The following SHISA9 variants were observed in gnomAD, a reference collection of about 807,000 sequenced individuals.
The protein encoded by SHISA9 is protein shisa-9.
SHISA9 carries 13 observed loss-of-function variants against 38.0 expected under a neutral mutation model. The ratio of observed to expected loss-of-function variants is 0.34; its 90% CI spans 0.22 to 0.54. SHISA9 has a LOEUF of 0.54. Ranked by LOEUF, SHISA9 falls within the 20% of genes least tolerant of loss-of-function variation. The pLI is 0.91. For synonymous variants in SHISA9, 275 were observed against 242.0 expected (o/e 1.14, Z -1.27); for missense variants, 538 against 575.8 (o/e 0.93, Z 0.67).
At chr16:13,560,407 TG>T in the SHISA9 span, among the ~76,000 whole-genome samples, 1 of 152,198 alleles carries the variant, frequency 6.6e-6, no homozygotes, top group East Asian at 1.9e-4. Context: ...AGCTAAGTAT[TG>T]GTATCAGCAC....
chr16:13,483,824 A>G, the SHISA9 span, among the ~76,000 whole-genome samples: 3 of 152,164 alleles, frequency 2.0e-5, no homozygotes, highest in Non-Finnish European at 4.4e-5. Context: ...GAGAGCATGG[A>G]AGCTCTGTGT....
the SHISA9 span, among the ~76,000 whole-genome samples, chr16:13,346,099 C>A: frequency 6.6e-6 from 1 of 152,136 alleles, no homozygotes; most frequent in Non-Finnish European, 1.5e-5. Context: ...AATTTCTCAT[C>A]CCTCATCCTT....
the SHISA9 span, among the ~76,000 whole-genome samples, chr16:13,304,996 G>A: frequency 1.3e-5 from 2 of 152,138 alleles, no homozygotes; most frequent in Admixed American, 6.5e-5. Flanking sequence ...CTAAAATTCA[G>A]GTTGAATATT....
the SHISA9 span, among the ~76,000 whole-genome samples, chr16:13,306,292 G>T: frequency 6.6e-6 from 1 of 152,170 alleles, no homozygotes; most frequent in Non-Finnish European, 1.5e-5. Flanking sequence ...TGTTGTTGTT[G>T]TTCAGTTAAA....
chr16:13,337,924 C>A, the SHISA9 span, among the ~76,000 whole-genome samples: 1 of 152,126 alleles, frequency 6.6e-6, no homozygotes, highest in East Asian at 1.9e-4. Context: ...TGAGGCCTCC[C>A]TAGCCATGCA....
At chr16:12,948,794 A>G (rs995833731) in intron 2 of SHISA9, among the ~76,000 whole-genome samples, 1 of 152,234 alleles carries the variant, frequency 6.6e-6, no homozygotes, top group South Asian at 2.1e-4. Flanking sequence ...GGACACAGAT[A>G]TTCAGACCAT....
chr16:13,225,372 C>A (rs1052750866), intron 4 of SHISA9, among the ~76,000 whole-genome samples: 1 of 152,190 alleles, frequency 6.6e-6, no homozygotes, highest in Non-Finnish European at 1.5e-5. Context: ...CGAACACACA[C>A]TGTGATGTGT....
chr16:13,557,746 T>A, the SHISA9 span, among the ~76,000 whole-genome samples: 1 of 152,096 alleles, frequency 6.6e-6, no homozygotes, highest in African/African-American at 2.4e-5. Flanking sequence ...CAGCAATCTC[T>A]ACCCAGGAAG....
intron 2 of SHISA9, among the ~76,000 whole-genome samples, chr16:12,969,027 C>T (rs754552683): frequency 1.6e-4 from 25 of 151,802 alleles, no homozygotes; most frequent in South Asian, 2.1e-4. Context: ...CGTGGTGGTG[C>T]GCACCTGTAG....
the SHISA9 span, among the ~76,000 whole-genome samples, chr16:13,553,595 C>T: frequency 1.3e-5 from 2 of 151,946 alleles, no homozygotes; most frequent in Non-Finnish European, 2.9e-5. Flanking sequence ...ACTCCAGAAC[C>T]GAAACACATG....
intron 2 of SHISA9, among the ~76,000 whole-genome samples, chr16:12,935,163 T>C (rs527576293): frequency 1.2e-3 from 178 of 152,226 alleles, no homozygotes; most frequent in Admixed American, 2.0e-3. Flanking sequence ...TAGTGAGGAA[T>C]AGGAAAGTCT....
intron 2 of SHISA9, among the ~76,000 whole-genome samples, chr16:13,185,244 C>G (rs914623487): frequency 5.9e-5 from 9 of 152,260 alleles, no homozygotes; most frequent in Admixed American, 2.0e-4. Context: ...CTCTATCACC[C>G]AGGCTAGAGA....
intron 2 of SHISA9, among the ~76,000 whole-genome samples, chr16:13,133,979 T>C (rs1379345930): frequency 6.6e-6 from 1 of 152,342 alleles, no homozygotes; most frequent in South Asian, 2.1e-4. Context: ...AATTTCCTAC[T>C]GACAATGTAC....
intron 2 of SHISA9, among the ~76,000 whole-genome samples, chr16:13,037,444 A>G (rs2073088007): frequency 1.3e-5 from 2 of 152,010 alleles, no homozygotes; most frequent in Non-Finnish European, 2.9e-5. Context: ...CACAGCATCT[A>G]ACCAAGGTTG....
the SHISA9 span, among the ~76,000 whole-genome samples, chr16:13,467,379 T>C: frequency 1.3e-5 from 2 of 152,198 alleles, no homozygotes; most frequent in Non-Finnish European, 2.9e-5. Context: ...TCTAGGTTCT[T>C]CAGCTTTTGA....
chr16:13,143,024 A>ATTTTATTTTATTTT (rs1567226044), intron 2 of SHISA9, among the ~76,000 whole-genome samples: 15 of 151,356 alleles, frequency 9.9e-5, no homozygotes, highest in South Asian at 2.1e-4. Context: ...ATTTTATTTT[A>ATTTTATTTTATTTT]AGACAGAGTT....
chr16:13,517,008 A>G, the SHISA9 span, among the ~76,000 whole-genome samples: 77 of 152,330 alleles, frequency 5.1e-4, no homozygotes, highest in African/African-American at 1.8e-3. Flanking sequence ...ATTTGATGTT[A>G]TCCCCCACAT....
chr16:13,342,695 C>T, the SHISA9 span, among the ~76,000 whole-genome samples: 2 of 152,194 alleles, frequency 1.3e-5, no homozygotes, highest in Non-Finnish European at 2.9e-5. Flanking sequence ...CCATCACTTT[C>T]CCCACATTCG....
chr16:13,463,931 G>A, the SHISA9 span, among the ~76,000 whole-genome samples: 1 of 152,206 alleles, frequency 6.6e-6, no homozygotes, highest in South Asian at 2.1e-4. Flanking sequence ...TTAGTTGGCA[G>A]GATTGTTCTT....
Sources: gnomAD v4.1 joint callset for allele counts (sites outside exome capture counted in the v4.1 genomes callset) on GRCh38, gnomAD v4.1.1 for gene constraint, MANE v1.5 for transcripts, NCBI Gene and HGNC (gene_info 2026-07-23, HGNC 2026-07-21) for gene names.